Variants in ALCAM observed in about 807,000 individuals in gnomAD.
ALCAM encodes activated leukocyte cell adhesion molecule, also known as CD166 antigen.
ALCAM carries 30 observed loss-of-function variants against 70.9 expected under a neutral mutation model. The observed-to-expected ratio is 0.42, with a 90% CI of 0.32 to 0.57. The LOEUF is 0.57. Among genes scored for constraint, ALCAM ranks in the 20% least tolerant of loss-of-function variants. ALCAM has a pLI of 0.11. For synonymous variants in ALCAM, 249 were observed against 242.5 expected (o/e 1.03, Z -0.25); for missense variants, 591 against 695.1 (o/e 0.85, Z 1.68).
chr3:105,524,655 T>A (rs557109225), intron 3 of ALCAM, 147 bp downstream of exon 3: 2 of 1,372,824 alleles, frequency 1.5e-6, no homozygotes, highest in South Asian at 4.1e-5. Context: ...ATTCTGCTCA[T>A]ATATACTATC....
At chr3:105,565,252 A>G (rs553259433) in intron 14 of ALCAM, among the ~76,000 whole-genome samples, 1 of 152,344 alleles carries the variant, frequency 6.6e-6, no homozygotes, top group South Asian at 2.1e-4. Context: ...TCCTTTCTTC[A>G]TAAGACTCCT....
At chr3:105,540,751 C>T (rs1396557473) in intron 7 of ALCAM, among the ~76,000 whole-genome samples, 2 of 152,002 alleles carry the variant, frequency 1.3e-5, no homozygotes, top group African/African-American at 4.8e-5. Flanking sequence ...ATCACTTTCA[C>T]ATTGAGGGAA....
chr3:105,510,684 T>C (rs995035461), intron 1 of ALCAM, among the ~76,000 whole-genome samples: 4 of 152,070 alleles, frequency 2.6e-5, no homozygotes, highest in African/African-American at 9.7e-5. Context: ...TTAGTAACAC[T>C]GTCCTCATGT....
intron 6 of ALCAM, 38 bp from the exon 7 acceptor site, chr3:105,539,937 T>C: frequency 1.9e-6 from 3 of 1,607,494 alleles, no homozygotes; most frequent in Non-Finnish European, 2.6e-6. Flanking sequence ...ATTCGGTACT[T>C]GACAAAAATG....
intron 1 of ALCAM, among the ~76,000 whole-genome samples, chr3:105,419,928 TA>T (rs1487848578): frequency 1.3e-5 from 2 of 151,784 alleles, no homozygotes; most frequent in African/African-American, 4.8e-5. Flanking sequence ...GTTGAGTGCC[TA>T]CTGTGTGCCT....
rs992149104 is a variant in ALCAM, at chr3:105,537,997, A to G, written c.731-1978A>G. Reference sequence around the variant, plus strand: ...GAGTAAGAGAGAAGACTCTCACTTGAGCTGGGTTCAAGCCAAATTGTGGAT... The same window carrying G: ...GAGTAAGAGAGAAGACTCTCACTTGGGCTGGGTTCAAGCCAAATTGTGGAT... On this transcript the variant is annotated intron_variant, in intron 6 of 15. Coordinates refer to ENST00000306107, the MANE Select transcript of ALCAM (RefSeq NM_001627.4). Among the ~76,000 whole-genome samples the G allele has an allele frequency of 2.6e-5, 4 of 152,142 alleles. No homozygotes were observed. In the South Asian group the frequency reaches 8.3e-4, roughly 32 times the overall value.
At position 105,492,913 on chromosome 3, in the gene ALCAM, T is replaced by A. The variant is rs536029235; in HGVS notation, c.74-27154T>A. Reference sequence around the variant, plus strand: ...AATATAGTTTAGCCATTATAAGCATTCTACCTAATGAATTTTTAAGAGCAT... The same window carrying A: ...AATATAGTTTAGCCATTATAAGCATACTACCTAATGAATTTTTAAGAGCAT... On this transcript the variant is annotated intron_variant, in intron 1 of 15. Transcript: ENST00000306107. Among the ~76,000 whole-genome samples the A allele has an allele frequency of 2.6e-5, 4 of 152,348 alleles. No individual in the cohort carries two copies. The South Asian group carries it at 8.3e-4, about 32-fold the overall frequency.
At chr3:105,501,480 T>TG (rs1468373378) in intron 1 of ALCAM, among the ~76,000 whole-genome samples, 1 of 152,188 alleles carries the variant, frequency 6.6e-6, no homozygotes, top group African/African-American at 2.4e-5. Context: ...TGTAATTTTA[T>TG]TTGACATCAG....
At chr3:105,503,891 T>C (rs567927205) in intron 1 of ALCAM, among the ~76,000 whole-genome samples, 1 of 152,216 alleles carries the variant, frequency 6.6e-6, no homozygotes, top group East Asian at 1.9e-4. Context: ...TCTGTGATGA[T>C]TCAGTATAAA....
chr3:105,434,108 C>T (rs1325853109), intron 1 of ALCAM, among the ~76,000 whole-genome samples: 3 of 152,084 alleles, frequency 2.0e-5, no homozygotes, highest in East Asian at 3.8e-4. Flanking sequence ...TGATTCATAA[C>T]AACTTTAAAA....
chr3:105,477,850 T>TAAG (rs1156598419), intron 1 of ALCAM, among the ~76,000 whole-genome samples: 12 of 151,676 alleles, frequency 7.9e-5, no homozygotes, highest in African/African-American at 2.9e-4. Flanking sequence ...ATTCTGCTAT[T>TAAG]AAGTTCAAAT....
intron 1 of ALCAM, among the ~76,000 whole-genome samples, chr3:105,409,811 A>G (rs146145495): frequency 6.6e-6 from 1 of 152,226 alleles, no homozygotes; most frequent in East Asian, 1.9e-4. Flanking sequence ...GGCCAGATTG[A>G]TCTGTATTTT....
At position 105,391,127 on chromosome 3, in the gene ALCAM, G is replaced by A. The variant is rs574070152; in HGVS notation, c.73+23646G>A. The stretch of plus-strand genomic sequence containing the variant: ...TTTAAAGTAGTTTTTTTCTAATTCT[G>A]TGAAGAAAGTCAGTGGTAGCTTGAT... On this transcript the variant is annotated intron_variant, in intron 1 of 15. Transcript: ENST00000306107. Among the ~76,000 whole-genome samples the A allele has an allele frequency of 8.5e-5, 13 of 152,110 alleles. No individual in the cohort carries two copies. The East Asian group carries it at 2.3e-3, about 27-fold the overall frequency.
intron 2 of ALCAM, 81 bp downstream of exon 2, chr3:105,520,248 C>A: frequency 1.0e-6 from 1 of 989,292 alleles, no homozygotes; most frequent in Non-Finnish European, 1.6e-6. Flanking sequence ...CTGTGAATTT[C>A]AAATTAACCT....
intron 1 of ALCAM, among the ~76,000 whole-genome samples, chr3:105,419,357 AGGTACATT>A (rs1370259011): frequency 6.6e-6 from 1 of 151,818 alleles, no homozygotes; most frequent in Non-Finnish European, 1.5e-5. Flanking sequence ...GTGTAGAAAC[AGGTACATT>A]CTGACTATAT....
intron 1 of ALCAM, among the ~76,000 whole-genome samples, chr3:105,407,552 G>T (rs7650270): frequency 0.1 from 15,400 of 152,080 alleles, 874 homozygotes; most frequent in South Asian, 0.17. Flanking sequence ...AGCAAAATTG[G>T]CAGAGAAGGG....
intron 1 of ALCAM, among the ~76,000 whole-genome samples, chr3:105,384,487 A>G (rs1935600350): frequency 1.3e-5 from 2 of 151,484 alleles, no homozygotes; most frequent in South Asian, 4.1e-4. Context: ...TAACTTCTAT[A>G]TCATGGTTTT....
intron 1 of ALCAM, among the ~76,000 whole-genome samples, chr3:105,519,005 C>G (rs902931088): frequency 6.6e-6 from 1 of 152,028 alleles, no homozygotes; most frequent in African/African-American, 2.4e-5. Flanking sequence ...AGATTGCCGT[C>G]GCTTTGCATT....
intron 1 of ALCAM, among the ~76,000 whole-genome samples, chr3:105,444,534 G>C (rs544314677): frequency 1.3e-5 from 2 of 152,018 alleles, no homozygotes; most frequent in African/African-American, 4.8e-5. Context: ...ATTTGGTTGG[G>C]GACACAGAGC....
Sources: gnomAD v4.1 joint callset for allele counts (sites outside exome capture counted in the v4.1 genomes callset) on GRCh38, gnomAD v4.1.1 for gene constraint, MANE v1.5 for transcripts, NCBI Gene and HGNC (gene_info 2026-07-23, HGNC 2026-07-21) for gene names.